PLCB1: variants seen among roughly 807,000 people sequenced by gnomAD.
The protein encoded by PLCB1 is 1-phosphatidylinositol 4,5-bisphosphate phosphodiesterase beta-1.
A neutral mutation model predicts 161.8 loss-of-function variants in PLCB1; 46 were observed. The ratio of observed to expected loss-of-function variants is 0.28; its 90% CI spans 0.22 to 0.36. PLCB1 has a LOEUF of 0.36. PLCB1 is among the 10% of genes least tolerant of loss of function. The pLI, the probability that PLCB1 is intolerant of heterozygous loss-of-function variation, is 1.00. For synonymous variants in PLCB1, 517 were observed against 503.7 expected (o/e 1.03, Z -0.35); for missense variants, 1,016 against 1,472.5 (o/e 0.69, Z 5.07).
chr20:8,840,578 T>A (rs969470783), intron 31 of PLCB1, among the ~76,000 whole-genome samples: 1 of 152,182 alleles, frequency 6.6e-6, no homozygotes, highest in East Asian at 1.9e-4. Flanking sequence ...GTGGATTCCC[T>A]CTTTTAAAGT....
intron 2 of PLCB1, among the ~76,000 whole-genome samples, chr20:8,226,508 C>A (rs1478571539): frequency 6.6e-6 from 1 of 152,092 alleles, no homozygotes; most frequent in African/African-American, 2.4e-5. Context: ...ATATCTTCTG[C>A]ATTTCCCTGA....
chr20:8,550,733 T>A (rs1985746687), intron 3 of PLCB1, among the ~76,000 whole-genome samples: 1 of 152,178 alleles, frequency 6.6e-6, no homozygotes, highest in African/African-American at 2.4e-5. Flanking sequence ...TTTAAGCTTT[T>A]TCTATGGTGT....
At chr20:8,775,281 A>T (rs1328299671) in intron 27 of PLCB1, among the ~76,000 whole-genome samples, 2 of 152,188 alleles carry the variant, frequency 1.3e-5, no homozygotes, top group Non-Finnish European at 2.9e-5. Context: ...TTTTCTCACG[A>T]ATTGAGACAT....
chr20:8,798,613 G>C (rs1348845732), intron 31 of PLCB1, among the ~76,000 whole-genome samples: 1 of 152,058 alleles, frequency 6.6e-6, no homozygotes, highest in Non-Finnish European at 1.5e-5. Flanking sequence ...CCAGGAGTCA[G>C]ACAATTAAAG....
chr20:8,712,093 G>C (rs1053760773), intron 12 of PLCB1, among the ~76,000 whole-genome samples: 1 of 152,144 alleles, frequency 6.6e-6, no homozygotes, highest in Non-Finnish European at 1.5e-5. Flanking sequence ...ATGAGGTCAG[G>C]AGATCGAGAC....
At chr20:8,701,420 C>T (rs1211605252) in intron 11 of PLCB1, among the ~76,000 whole-genome samples, 1 of 152,108 alleles carries the variant, frequency 6.6e-6, no homozygotes, top group Non-Finnish European at 1.5e-5. Flanking sequence ...TGAAGCCTTC[C>T]TCAAATGTCA....
chr20:8,542,690 T>A (rs1330523299), intron 3 of PLCB1, among the ~76,000 whole-genome samples: 3 of 152,206 alleles, frequency 2.0e-5, no homozygotes, highest in African/African-American at 7.2e-5. Context: ...TTTCAGACTC[T>A]AGGGAATTAT....
chr20:8,334,151 A>G (rs1426906118), intron 2 of PLCB1, among the ~76,000 whole-genome samples: 1 of 152,008 alleles, frequency 6.6e-6, no homozygotes, highest in Non-Finnish European at 1.5e-5. Context: ...GGAGGTTGCG[A>G]TGAGCCGCGA....
chr20:8,708,825 T>A, intron 12 of PLCB1, 73 bp downstream of exon 12: 1 of 895,406 alleles, frequency 1.1e-6, no homozygotes, highest in Non-Finnish European at 1.8e-6. Flanking sequence ...TTATCAGATT[T>A]AAGATTATTT....
chr20:8,315,561 C>G (rs765097522), intron 2 of PLCB1, among the ~76,000 whole-genome samples: 3 of 152,146 alleles, frequency 2.0e-5, no homozygotes, highest in Non-Finnish European at 2.9e-5. Context: ...TACCCTTTCT[C>G]ACTTGTGTTC....
intron 2 of PLCB1, among the ~76,000 whole-genome samples, chr20:8,210,976 T>C (rs1009062056): frequency 6.6e-5 from 10 of 152,118 alleles, no homozygotes; most frequent in Non-Finnish European, 1.2e-4. Flanking sequence ...GATGGATGCA[T>C]GCATTCTCAA....
At chr20:8,155,952 T>A (rs2051555601) in intron 2 of PLCB1, among the ~76,000 whole-genome samples, 1 of 152,210 alleles carries the variant, frequency 6.6e-6, no homozygotes, top group Admixed American at 6.5e-5. Flanking sequence ...TCAGTCATTG[T>A]TGACTAAGCA....
rs146646749 is a variant in PLCB1 at position 8,741,524 on chromosome 20, A to G, written c.2474A>G (p.Lys825Arg). 542 of 1,613,728 alleles carry G rather than the reference A, an allele frequency of 3.4e-4. No homozygotes were observed. Among genetic ancestry groups the G allele is most frequent in the Middle Eastern group, 8.2e-4 (5 of 6,082 alleles). ...GTGAACCTGATGGAACAGAGAGCTAAGCAATTGGCTGCTTTGACACTGGAA... is the reference window on the plus strand; with the variant it reads ...GTGAACCTGATGGAACAGAGAGCTAGGCAATTGGCTGCTTTGACACTGGAA... ...RYVNLMEQRAKQLAALTLEDE... is the reference protein window; with the variant it reads ...RYVNLMEQRARQLAALTLEDE... The change falls in exon 23 of 32, where the codon AAG (lysine) becomes AGG (arginine). Residue 825 changes from lysine (K) to arginine (R), a missense_variant. Coordinates refer to ENST00000338037, the MANE Select transcript of PLCB1 (RefSeq NM_015192.4).
At chr20:8,772,121 T>C (rs1486434701) in intron 26 of PLCB1, among the ~76,000 whole-genome samples, 1 of 150,572 alleles carries the variant, frequency 6.6e-6, no homozygotes, top group Non-Finnish European at 1.5e-5. Flanking sequence ...GTTCAAGTGA[T>C]CTGCCCACCT....
intron 3 of PLCB1, among the ~76,000 whole-genome samples, chr20:8,604,717 A>T (rs1334353369): frequency 6.6e-6 from 1 of 152,218 alleles, no homozygotes; most frequent in Non-Finnish European, 1.5e-5. Flanking sequence ...AATATCTTAT[A>T]GTACCTCCAC....
intron 3 of PLCB1, among the ~76,000 whole-genome samples, chr20:8,375,338 T>A (rs1393752262): frequency 1.3e-5 from 2 of 152,176 alleles, no homozygotes; most frequent in Non-Finnish European, 1.5e-5. Flanking sequence ...TTCAAAAAGA[T>A]CTTTGCTTTT....
intron 3 of PLCB1, among the ~76,000 whole-genome samples, chr20:8,418,671 A>T (rs115239773): frequency 6.6e-6 from 1 of 152,134 alleles, no homozygotes; most frequent in Non-Finnish European, 1.5e-5. Flanking sequence ...GTAATAAAAA[A>T]TCAAAATATT....
intron 3 of PLCB1, among the ~76,000 whole-genome samples, chr20:8,479,791 C>T (rs1035901016): frequency 6.6e-6 from 1 of 152,146 alleles, no homozygotes; most frequent in Non-Finnish European, 1.5e-5. Context: ...CATTTCTGCC[C>T]TTTACTATGA....
At chr20:8,812,932 G>A (rs1439446307) in intron 31 of PLCB1, among the ~76,000 whole-genome samples, 1 of 152,180 alleles carries the variant, frequency 6.6e-6, no homozygotes, top group African/African-American at 2.4e-5. Context: ...TGGGAGAGTG[G>A]TTTGAGAAGT....
Sources: allele counts gnomAD v4.1 joint callset (sites outside exome capture counted in the v4.1 genomes callset), GRCh38; gene constraint gnomAD v4.1.1; transcripts MANE v1.5; gene names NCBI Gene and HGNC (gene_info 2026-07-23, HGNC 2026-07-21).